Variants in KATNIP observed in about 807,000 individuals in gnomAD.
KATNIP encodes katanin interacting protein, also known as katanin-interacting protein.
In KATNIP, 126 loss-of-function variants were observed where a neutral mutation model predicts 174.0. The observed-to-expected ratio is 0.72, with a 90% CI of 0.63 to 0.84. The LOEUF (loss-of-function observed/expected upper bound fraction) is 0.84, where lower values mean the gene tolerates loss of function less well. Among genes scored for constraint, KATNIP ranks in the 40% least tolerant of loss-of-function variants. KATNIP has a pLI of 0.00. For missense variants in KATNIP, 1,958 were observed against 2,109.7 expected, an observed-to-expected ratio of 0.93 and a Z score of 1.41; for synonymous variants, 810 against 835.7, an observed-to-expected ratio of 0.97 and a Z score of 0.53.
intron 8 of KATNIP, among the ~76,000 whole-genome samples, chr16:27,684,088 C>G (rs1165450144): frequency 6.6e-6 from 1 of 152,110 alleles, no homozygotes; most frequent in Non-Finnish European, 1.5e-5. Flanking sequence ...ATTCAAGTAA[C>G]AAAATTAAGG....
At chr16:27,621,050 AC>A (rs1222618371) in intron 3 of KATNIP, among the ~76,000 whole-genome samples, 2 of 152,122 alleles carry the variant, frequency 1.3e-5, no homozygotes, top group African/African-American at 4.8e-5. Flanking sequence ...TGTAACCCCA[AC>A]TATGCAGGAG....
At chr16:27,659,513 A>C (rs1046544612) in intron 6 of KATNIP, among the ~76,000 whole-genome samples, 3 of 138,206 alleles carry the variant, frequency 2.2e-5, no homozygotes, top group African/African-American at 8.3e-5. Flanking sequence ...CTGTCTATAC[A>C]AAAAAAAAAA....
At chr16:27,751,132 G>T (rs1165242605) in intron 16 of KATNIP, among the ~76,000 whole-genome samples, 2 of 152,106 alleles carry the variant, frequency 1.3e-5, no homozygotes, top group Non-Finnish European at 2.9e-5. Context: ...CCTAGAACCT[G>T]AGTCTGAGAT....
intron 2 of KATNIP, among the ~76,000 whole-genome samples, chr16:27,604,970 G>A (rs937860755): frequency 6.6e-6 from 1 of 152,148 alleles, no homozygotes; most frequent in South Asian, 2.1e-4. Flanking sequence ...GTTCTGTTGT[G>A]CAGGCTGGAG....
chr16:27,771,680 A>C (rs2082309588), intron 22 of KATNIP, 28 bp downstream of exon 22: 1 of 1,610,558 alleles, frequency 6.2e-7, no homozygotes, highest in African/African-American at 1.3e-5. Context: ...CCCCACCAGC[A>C]CATTCTGGGC....
intron 7 of KATNIP, 92 bp from the exon 8 acceptor site, chr16:27,681,307 G>A: frequency 6.8e-7 from 1 of 1,479,246 alleles, no homozygotes; most frequent in Non-Finnish European, 9.4e-7. Flanking sequence ...TTTGTTGAAT[G>A]AGTAAGTGAA....
intron 5 of KATNIP, 135 bp from the exon 6 acceptor site, chr16:27,648,469 T>G: frequency 2.9e-6 from 3 of 1,017,520 alleles, no homozygotes; most frequent in Non-Finnish European, 4.3e-6. Flanking sequence ...ACCACTGCTG[T>G]TGCATGCAGG....
intron 4 of KATNIP, among the ~76,000 whole-genome samples, chr16:27,629,583 A>G (rs1389826683): frequency 6.6e-6 from 1 of 152,366 alleles, no homozygotes; most frequent in East Asian, 1.9e-4. Context: ...TGTGTGTAAT[A>G]GAAAAATTCC....
chr16:27,692,108 G>A (rs189796206), intron 8 of KATNIP, among the ~76,000 whole-genome samples: 106 of 152,286 alleles, frequency 7.0e-4, no homozygotes, highest in African/African-American at 2.5e-3. Context: ...TGCTTCATGC[G>A]GGAAATGGTG....
intron 14 of KATNIP, among the ~76,000 whole-genome samples, chr16:27,736,866 G>A (rs952019496): frequency 6.6e-6 from 1 of 152,186 alleles, no homozygotes; most frequent in Non-Finnish European, 1.5e-5. Flanking sequence ...GTGTCTCTGG[G>A]GGAGACCCTG....
At chr16:27,663,242 C>T (rs1176606755) in intron 6 of KATNIP, among the ~76,000 whole-genome samples, 1 of 144,928 alleles carries the variant, frequency 6.9e-6, no homozygotes, top group African/African-American at 2.6e-5. Context: ...AAGTAATCCT[C>T]CCGCTTGGCC....
In KATNIP at chr16:27,681,449, G is replaced by C; in HGVS notation, c.859G>C (p.Val287Leu). 6.2e-7 allele frequency: 1 copy of C among 1,614,200 alleles called. No individual in the cohort carries two copies. The highest frequency in any genetic ancestry group is 1.1e-5 in the South Asian group (1 of 91,084). The change falls in exon 8 of 28, where the codon GTT (valine) becomes CTT (leucine). Residue 287 changes from valine to leucine, a missense_variant. Val to Leu is a conservative substitution (Grantham distance 32). Around this residue, in one of 3 missense-constraint regions of KATNIP, gnomAD observed 1,557 missense variants for 1,617.8 expected, o/e 0.96. Transcript: ENST00000261588. ...LSAKRKDNAEVFVPTKPEPNL... is the reference protein window; with the variant it reads ...LSAKRKDNAELFVPTKPEPNL... Reference sequence around the variant, plus strand: ...TGCAAAGCGGAAGGACAATGCTGAGGTTTTCGTTCCCACCAAACCTGAGCC... The same window carrying C: ...TGCAAAGCGGAAGGACAATGCTGAGCTTTTCGTTCCCACCAAACCTGAGCC...
At chr16:27,601,930 C>A (rs1357776836) in intron 2 of KATNIP, among the ~76,000 whole-genome samples, 1 of 152,136 alleles carries the variant, frequency 6.6e-6, no homozygotes, top group Non-Finnish European at 1.5e-5. Flanking sequence ...AGGAAAAGTT[C>A]TTGGATGGAA....
intron 2 of KATNIP, among the ~76,000 whole-genome samples, chr16:27,614,714 T>C (rs968437968): frequency 6.6e-6 from 1 of 152,170 alleles, no homozygotes; most frequent in African/African-American, 2.4e-5. Flanking sequence ...CCAGTGAAAC[T>C]CAGAGGTTGC....
intron 2 of KATNIP, among the ~76,000 whole-genome samples, chr16:27,587,348 G>A (rs2090942101): frequency 6.6e-6 from 1 of 152,218 alleles, no homozygotes; most frequent in Non-Finnish European, 1.5e-5. Context: ...TAGGGAGGCA[G>A]GGTTGGTGTA....
chr16:27,764,037 T>C (rs2082046276), intron 19 of KATNIP, among the ~76,000 whole-genome samples: 1 of 152,240 alleles, frequency 6.6e-6, no homozygotes, highest in Non-Finnish European at 1.5e-5. Context: ...CTCTTTGTGA[T>C]GTTGGAAGCC....
chr16:27,681,664 C>A (rs1298388605), intron 8 of KATNIP, 134 bp downstream of exon 8: 1 of 921,368 alleles, frequency 1.1e-6, no homozygotes, highest in East Asian at 2.4e-5. Flanking sequence ...ATGTATTAGT[C>A]AGGGGTCTGC....
In KATNIP at chr16:27,776,791, G is replaced by T. The variant is rs1410309798; in HGVS notation, c.4450-137G>T. On this transcript the variant is annotated intron_variant, in intron 24 of 27. Coordinates refer to ENST00000261588, the MANE Select transcript of KATNIP (RefSeq NM_015202.5). The surrounding 1 kb of genome is among the most constrained non-coding windows in gnomAD (Gnocchi z 4.7). The stretch of plus-strand genomic sequence containing the variant: ...GGCTTCGAGGAGATGAAAGGGGGCG[G>T]AACTCCAGGCTGGCCCACGTGGCAG... The T allele has an allele frequency of 1.5e-6, 1 of 658,348 alleles. No homozygotes were observed. Among genetic ancestry groups the T allele is most frequent in the Non-Finnish European group, 2.7e-6 (1 of 363,734 alleles). The allele number at this position is 658,348 out of a possible 1,614,324, so 40.8% of individuals were successfully genotyped here. A position where few individuals can be genotyped will look rare whatever the true frequency, so the allele number is the denominator to read the frequency against.
Position 27,776,941 on chromosome 16 carries a change from A to T in KATNIP, c.4463A>T (p.Tyr1488Phe). ...GCTCTCTGACAGGTGAACCGGGTTT[A>T]TGTGATTTTCGATCTGCCTACCACC... ...PILPGLVNRV[Y>F]VIFDLPTTVS... Residue 1488 changes from tyrosine (Y) to phenylalanine (F), a missense_variant, in exon 25 of 28, where the codon TAT becomes TTT. Physicochemically the swap from Tyr to Phe is conservative, Grantham distance 22. Transcript: ENST00000261588. The surrounding 1 kb of genome is among the most constrained non-coding windows in gnomAD (Gnocchi z 4.7). 6.2e-7 allele frequency: 1 copy of T among 1,612,276 alleles called. No homozygotes were observed. Among genetic ancestry groups the T allele is most frequent in the Non-Finnish European group, 8.5e-7 (1 of 1,178,342 alleles).
Sources: gnomAD v4.1 joint callset for allele counts (sites outside exome capture counted in the v4.1 genomes callset) on GRCh38, gnomAD v4.1.1 for gene constraint, gnomAD v4.1.1 regional missense constraint, Gnocchi (gnomAD v3.1) non-coding constraint, MANE v1.5 for transcripts, NCBI Gene and HGNC (gene_info 2026-07-23, HGNC 2026-07-21) for gene names.